XRN1: variants seen among roughly 807,000 people sequenced by gnomAD.
The protein encoded by XRN1 is 5'-3' exoribonuclease 1, also known as strand-exchange protein 1 homolog.
Under a neutral mutation model 222.3 loss-of-function variants are expected in XRN1, and 67 were observed. The ratio of observed to expected loss-of-function variants is 0.30; its 90% CI spans 0.25 to 0.37. The LOEUF (loss-of-function observed/expected upper bound fraction) is 0.37, where lower values mean the gene tolerates loss of function less well. XRN1 is among the 10% of genes least tolerant of loss of function. The pLI is 1.00. For missense variants in XRN1, 1,707 were observed against 2,000.2 expected (o/e 0.85, Z 2.80); for synonymous variants, 643 against 652.4 (o/e 0.99, Z 0.22).
At chr3:142,324,542 G>T (rs780336223) in intron 37 of XRN1, among the ~76,000 whole-genome samples, 2 of 149,766 alleles carry the variant, frequency 1.3e-5, no homozygotes, top group Admixed American at 6.6e-5. Flanking sequence ...TGTGAATACT[G>T]CTGCAATAAA....
At chr3:142,390,402 T>G (rs1281466627) in intron 20 of XRN1, among the ~76,000 whole-genome samples, 1 of 152,232 alleles carries the variant, frequency 6.6e-6, no homozygotes, top group Non-Finnish European at 1.5e-5. Context: ...TCACTACAGC[T>G]TCTACATTAG....
chr3:142,438,344 C>T (rs2070020021), intron 1 of XRN1, among the ~76,000 whole-genome samples: 1 of 151,654 alleles, frequency 6.6e-6, no homozygotes, highest in African/African-American at 2.4e-5. Context: ...TAAAGGACCA[C>T]TAGAATCCAG....
At chr3:142,412,930 A>T (rs940318689) in intron 14 of XRN1, among the ~76,000 whole-genome samples, 1 of 152,130 alleles carries the variant, frequency 6.6e-6, no homozygotes, top group African/African-American at 2.4e-5. Flanking sequence ...ATTCATTTTA[A>T]ATTATTTTTT....
intron 20 of XRN1, among the ~76,000 whole-genome samples, chr3:142,390,252 C>A (rs2067666537): frequency 2.6e-5 from 4 of 152,178 alleles, no homozygotes; most frequent in Admixed American, 2.6e-4. Flanking sequence ...ATTTTTGAGG[C>A]TTTGAAGCCA....
chr3:142,418,745 T>C, intron 11 of XRN1, 70 bp downstream of exon 11: 2 of 1,545,070 alleles, frequency 1.3e-6, no homozygotes, highest in Non-Finnish European at 1.8e-6. Context: ...AAATTAGTAA[T>C]AATAAATAAA....
intron 2 of XRN1, 29 bp downstream of exon 2, chr3:142,432,632 T>C: frequency 6.7e-7 from 1 of 1,492,668 alleles, no homozygotes; most frequent in Non-Finnish European, 9.0e-7. Context: ...AGCTAAATAA[T>C]ATTCCAAAAT....
At chr3:142,320,293 T>C (rs1210018122) in intron 37 of XRN1, among the ~76,000 whole-genome samples, 1 of 152,178 alleles carries the variant, frequency 6.6e-6, no homozygotes, top group Non-Finnish European at 1.5e-5. Flanking sequence ...TATCTCATTG[T>C]GGCCCTAAAA....
At chr3:142,446,461 A>G (rs2070506853) in intron 1 of XRN1, among the ~76,000 whole-genome samples, 1 of 152,246 alleles carries the variant, frequency 6.6e-6, no homozygotes, top group Non-Finnish European at 1.5e-5. Flanking sequence ...AAACTGCATT[A>G]AAGAGATTTT....
chr3:142,404,927 G>C lies in XRN1; in HGVS notation c.1863C>G (p.Ala621=). 1 of 1,613,916 alleles carries C rather than the reference G, an allele frequency of 6.2e-7. No homozygotes were observed. Among genetic ancestry groups the C allele is most frequent in the Non-Finnish European group, 8.5e-7 (1 of 1,179,884 alleles). The change falls in exon 16 of 41, where the codon GCC becomes GCG. Residue 621 remains alanine (A), a synonymous_variant. Coordinates refer to ENST00000392981, the MANE Select transcript of XRN1 (RefSeq NM_001282857.2). ...YPSPWPEKFP[A]IERCCTRYKI... is the part of the protein sequence containing the mutation. ...ATTACCTTGTACAACATCGTTCTAT[G>C]GCAGGGAACTTTTCTGGCCATGGAG...
At chr3:142,337,841 T>G (rs2065891560) in intron 33 of XRN1, among the ~76,000 whole-genome samples, 1 of 152,144 alleles carries the variant, frequency 6.6e-6, no homozygotes, top group Admixed American at 6.5e-5. Flanking sequence ...CCTCCAAAAA[T>G]TCTCTCCTCC....
chr3:142,319,094 G>A (rs766650745), intron 37 of XRN1, among the ~76,000 whole-genome samples, 191 bp from the exon 38 acceptor site: 2 of 152,126 alleles, frequency 1.3e-5, no homozygotes, highest in African/African-American at 2.4e-5. Context: ...AAAATAAAAA[G>A]CTTTCTAAGC....
At chr3:142,382,225 TA>T (rs143744835) in intron 22 of XRN1, among the ~76,000 whole-genome samples, 12 of 149,588 alleles carry the variant, frequency 8.0e-5, no homozygotes, top group Non-Finnish European at 1.2e-4. Flanking sequence ...GCTCCTGATT[TA>T]AAAAAAAAAT....
At chr3:142,412,477 T>C in intron 15 of XRN1, 67 bp downstream of exon 15, 1 of 1,445,826 alleles carries the variant, frequency 6.9e-7, no homozygotes, top group African/African-American at 1.4e-5. Flanking sequence ...CCATTGCTCA[T>C]TAACCTATGT....
intron 1 of XRN1, among the ~76,000 whole-genome samples, chr3:142,446,597 A>G (rs1237778016): frequency 6.6e-6 from 1 of 152,246 alleles, no homozygotes; most frequent in African/African-American, 2.4e-5. Flanking sequence ...ATCATCACGA[A>G]TAACAATCGC....
At chr3:142,378,627 TAAG>T (rs1044055318) in intron 23 of XRN1, among the ~76,000 whole-genome samples, 22 of 152,138 alleles carry the variant, frequency 1.4e-4, no homozygotes, top group African/African-American at 5.3e-4. Context: ...GAGATAAAAC[TAAG>T]AAGATCAATC....
chr3:142,375,783 T>C lies in XRN1; in HGVS notation c.2978+15A>G. On this transcript the variant is annotated intron_variant, in intron 25 of 40. Coordinates refer to ENST00000392981, the MANE Select transcript of XRN1 (RefSeq NM_001282857.2). ...AGATTTTGGAATGACTACTAGTATC[T>C]TATTATGTACTTACCTCTCTAAGTA... 1 of 1,601,798 alleles carries C rather than the reference T, an allele frequency of 6.2e-7. No homozygotes were observed. Among genetic ancestry groups the C allele is most frequent in the Non-Finnish European group, 8.5e-7 (1 of 1,174,966 alleles).
At chr3:142,364,119 A>AC (rs1253833250) in intron 29 of XRN1, among the ~76,000 whole-genome samples, 2 of 152,180 alleles carry the variant, frequency 1.3e-5, no homozygotes, top group Non-Finnish European at 2.9e-5. Flanking sequence ...AGGAAATAAC[A>AC]CCCACCCCTT....
intron 6 of XRN1, 27 bp from the exon 7 acceptor site, chr3:142,422,949 C>G (rs2069100414): frequency 6.5e-7 from 1 of 1,547,586 alleles, no homozygotes; most frequent in Non-Finnish European, 8.8e-7. Flanking sequence ...GATCAAGATA[C>G]AGTGAATTTT....
chr3:142,315,014 A>G (rs980220272), intron 39 of XRN1, among the ~76,000 whole-genome samples: 2 of 130,598 alleles, frequency 1.5e-5, no homozygotes, highest in Admixed American at 8.8e-5. Context: ...GGCTCACTGC[A>G]GCCTCCGCCT....
Sources: allele counts gnomAD v4.1 joint callset (sites outside exome capture counted in the v4.1 genomes callset), GRCh38; gene constraint gnomAD v4.1.1; transcripts MANE v1.5; gene names NCBI Gene and HGNC (gene_info 2026-07-23, HGNC 2026-07-21).